The following IMPG1 variants were observed in gnomAD, a reference collection of about 807,000 sequenced individuals.
IMPG1 encodes interphotoreceptor matrix proteoglycan of 150 kDa.
In IMPG1, 85 loss-of-function variants were observed where a neutral mutation model predicts 92.0. The observed-to-expected ratio is 0.92, with a 90% CI of 0.78 to 1.11. IMPG1 has a LOEUF of 1.11. Among genes scored for constraint, IMPG1 ranks in the 50% least tolerant of loss-of-function variants. IMPG1 has a pLI of 0.00. For missense variants in IMPG1, 1,022 were observed against 956.0 expected, an observed-to-expected ratio of 1.07 and a Z score of -0.91; for synonymous variants, 367 against 334.1, an observed-to-expected ratio of 1.10 and a Z score of -1.08.
chr6:76,071,718 T>A (rs1000247463), intron 1 of IMPG1, among the ~76,000 whole-genome samples: 3 of 152,110 alleles, frequency 2.0e-5, no homozygotes, highest in Admixed American at 1.3e-4. Flanking sequence ...AAAGATTGAG[T>A]ATATTATGAT....
chr6:75,938,851 A>AAAACAAAAC (rs1265325571), intron 14 of IMPG1, among the ~76,000 whole-genome samples: 81 of 83,552 alleles, frequency 9.7e-4, no homozygotes, highest in African/African-American at 2.3e-3. Flanking sequence ...CAAAACAAAA[A>AAAACAAAAC]AATACTATAC....
Position 75,951,068 on chromosome 6 carries a change from C to A in IMPG1, c.1318G>T (p.Ala440Ser). The change falls in exon 13 of 17, where the codon GCC (alanine) becomes TCC (serine). Residue 440 changes from alanine to serine, a missense_variant. By Grantham distance (99) the Ala-to-Ser change is moderately conservative. This residue lies in a region of IMPG1 where 681 missense variants were observed against 583.6 expected (regional missense o/e 1.17). Coordinates refer to ENST00000369950, the MANE Select transcript of IMPG1 (RefSeq NM_001563.4). ...GGAGCTTCTGACAGGGAGGTAGAGGCCATAGCAGGTGGAGACCAAGAAGTG... is the reference window on the plus strand; with the variant it reads ...GGAGCTTCTGACAGGGAGGTAGAGGACATAGCAGGTGGAGACCAAGAAGTG... Reference protein sequence around the residue: ...PDTSWSPPAMASTSLSEAPPF... With the variant: ...PDTSWSPPAMSSTSLSEAPPF... 6.2e-7 allele frequency: 1 copy of A among 1,611,984 alleles called. No individual in the cohort carries two copies. The highest frequency in any genetic ancestry group is 8.5e-7 in the Non-Finnish European group (1 of 1,178,964).
At chr6:76,010,869 T>C (rs1249409923) in intron 8 of IMPG1, among the ~76,000 whole-genome samples, 1 of 152,188 alleles carries the variant, frequency 6.6e-6, no homozygotes, top group Non-Finnish European at 1.5e-5. Context: ...GGTATTTTCC[T>C]AAGAAGCTCA....
intron 1 of IMPG1, among the ~76,000 whole-genome samples, chr6:76,055,722 T>C (rs1377369272): frequency 6.6e-6 from 1 of 152,062 alleles, no homozygotes; most frequent in Non-Finnish European, 1.5e-5. Flanking sequence ...AAGAACATTA[T>C]GCTTTCTACA....
intron 7 of IMPG1, among the ~76,000 whole-genome samples, chr6:76,011,462 C>T (rs1394976922): frequency 6.6e-6 from 1 of 152,046 alleles, no homozygotes; most frequent in Non-Finnish European, 1.5e-5. Flanking sequence ...AAGTGTTTTG[C>T]TATTTATTTA....
At chr6:76,024,097 A>G (rs1031330223) in intron 5 of IMPG1, among the ~76,000 whole-genome samples, 1 of 152,152 alleles carries the variant, frequency 6.6e-6, no homozygotes, top group African/African-American at 2.4e-5. Context: ...CTGTCATTTT[A>G]TAATTAAAAT....
At chr6:76,066,230 C>A (rs1784308236) in intron 1 of IMPG1, among the ~76,000 whole-genome samples, 1 of 151,922 alleles carries the variant, frequency 6.6e-6, no homozygotes, top group Non-Finnish European at 1.5e-5. Context: ...TTAATATTAA[C>A]CTTGAATGTA....
At chr6:76,057,428 A>G (rs1007174216) in intron 1 of IMPG1, among the ~76,000 whole-genome samples, 1 of 152,160 alleles carries the variant, frequency 6.6e-6, no homozygotes, top group African/African-American at 2.4e-5. Flanking sequence ...AAGAGATTCA[A>G]ATCTGCTTGT....
chr6:75,968,044 T>C (rs910414274), intron 12 of IMPG1, among the ~76,000 whole-genome samples: 8 of 152,194 alleles, frequency 5.3e-5, no homozygotes, highest in African/African-American at 1.9e-4. Flanking sequence ...TATTTAAATA[T>C]GAAAATCTGT....
chr6:75,946,576 G>T (rs1026985649), intron 14 of IMPG1, among the ~76,000 whole-genome samples: 5 of 152,112 alleles, frequency 3.3e-5, no homozygotes, highest in African/African-American at 1.2e-4. Flanking sequence ...GGTAAAAACA[G>T]TTCCCAATTT....
intron 7 of IMPG1, among the ~76,000 whole-genome samples, chr6:76,012,249 G>C (rs1238876848): frequency 2.0e-5 from 3 of 152,110 alleles, no homozygotes; most frequent in Admixed American, 6.6e-5. Context: ...ACTACAGCCT[G>C]GCCATTCTCT....
At chr6:75,937,478 A>G (rs910777457) in intron 14 of IMPG1, among the ~76,000 whole-genome samples, 2 of 152,170 alleles carry the variant, frequency 1.3e-5, no homozygotes, top group African/African-American at 4.8e-5. Context: ...TGGCACACAA[A>G]TCTGGCTTTG....
chr6:75,934,111 A>C (rs755704272), intron 14 of IMPG1, among the ~76,000 whole-genome samples: 8 of 152,108 alleles, frequency 5.3e-5, no homozygotes, highest in Non-Finnish European at 7.4e-5. Context: ...CCACATCTTC[A>C]TTGCCATCCT....
intron 7 of IMPG1, among the ~76,000 whole-genome samples, chr6:76,011,497 T>C (rs1783183417): frequency 1.3e-5 from 2 of 152,254 alleles, no homozygotes; most frequent in Non-Finnish European, 2.9e-5. Context: ...ATAGTTCTGA[T>C]CTGCTCTTAC....
chr6:76,034,436 AC>A, intron 3 of IMPG1, 93 bp from the exon 4 acceptor site: 1 of 1,293,754 alleles, frequency 7.7e-7, no homozygotes, highest in Non-Finnish European at 1.1e-6. Context: ...CCCTTAACCT[AC>A]ACTTCAACCT....
At chr6:76,057,034 C>G (rs1043458166) in intron 1 of IMPG1, among the ~76,000 whole-genome samples, 3 of 152,110 alleles carry the variant, frequency 2.0e-5, no homozygotes, top group African/African-American at 7.2e-5. Flanking sequence ...CCTCAGCAAA[C>G]TAATTCAGCA....
chr6:75,987,403 C>T (rs1782734960), intron 12 of IMPG1, among the ~76,000 whole-genome samples: 1 of 151,646 alleles, frequency 6.6e-6, no homozygotes, highest in East Asian at 1.9e-4. Flanking sequence ...GTGCTGCACC[C>T]CTTAACTCGT....
intron 12 of IMPG1, among the ~76,000 whole-genome samples, chr6:75,960,054 T>C (rs1417734980): frequency 6.6e-6 from 1 of 152,184 alleles, no homozygotes; most frequent in African/African-American, 2.4e-5. Flanking sequence ...AAAAGCGTAG[T>C]ATCTGGCTGG....
At chr6:76,064,038 G>T (rs1435975949) in intron 1 of IMPG1, among the ~76,000 whole-genome samples, 3 of 152,162 alleles carry the variant, frequency 2.0e-5, no homozygotes. Context: ...GGAATGGAGA[G>T]GGGGACTACT....
Sources: gnomAD v4.1 joint callset for allele counts (sites outside exome capture counted in the v4.1 genomes callset) on GRCh38, gnomAD v4.1.1 for gene constraint, gnomAD v4.1.1 regional missense constraint, MANE v1.5 for transcripts, NCBI Gene and HGNC (gene_info 2026-07-23, HGNC 2026-07-21) for gene names.